The following LRRC75A variants were observed in gnomAD, a reference collection of about 807,000 sequenced individuals.
LRRC75A encodes the protein leucine-rich repeat-containing protein 75A.
In LRRC75A, 12 loss-of-function variants were observed where a neutral mutation model predicts 26.0. The ratio of observed to expected loss-of-function variants is 0.46; its 90% CI spans 0.30 to 0.75. The LOEUF (loss-of-function observed/expected upper bound fraction) is 0.75, where lower values mean the gene tolerates loss of function less well. LRRC75A is among the 30% of genes least tolerant of loss of function. The pLI is 0.08. For missense variants in LRRC75A, 410 were observed against 486.6 expected, an observed-to-expected ratio of 0.84 and a Z score of 1.48; for synonymous variants, 223 against 219.3, an observed-to-expected ratio of 1.02 and a Z score of -0.15.
intron 1 of LRRC75A, among the ~76,000 whole-genome samples, chr17:16,474,632 C>G (rs1601192050): frequency 6.6e-6 from 1 of 152,230 alleles, no homozygotes; most frequent in Admixed American, 6.5e-5. Context: ...TTTATACCTT[C>G]TGGCAAATGC....
At chr17:16,474,717 G>C (rs9892617) in intron 1 of LRRC75A, among the ~76,000 whole-genome samples, 1 of 151,716 alleles carries the variant, frequency 6.6e-6, no homozygotes, top group Non-Finnish European at 1.5e-5. Context: ...TCCTGAGGCC[G>C]GGCGCGGTGG....
At chr17:16,477,009 A>G (rs1335400540) in intron 1 of LRRC75A, among the ~76,000 whole-genome samples, 1 of 151,976 alleles carries the variant, frequency 6.6e-6, no homozygotes, top group Non-Finnish European at 1.5e-5. Context: ...AAGTGCTGGG[A>G]TTACAGGCGT....
rs185655957 is a variant in LRRC75A at position 16,483,067 on chromosome 17, G to A, written c.246+8678C>T. Among the ~76,000 whole-genome samples, 448 of 152,320 alleles carry A rather than the reference G, an allele frequency of 2.9e-3. 4 individuals carry two copies. The highest frequency in any genetic ancestry group is 0.01 in the African/African-American group (428 of 41,568). ...GTGGGAAGTAGAGGGAGGGGAGAGA[G>A]ACCAGATGTGCAAGGGGCCAGAGCA... On this transcript the variant is annotated intron_variant, in intron 1 of 3. Transcript: ENST00000470794.
intron 1 of LRRC75A, among the ~76,000 whole-genome samples, chr17:16,466,391 G>A (rs190159704): frequency 6.6e-6 from 1 of 152,380 alleles, no homozygotes; most frequent in East Asian, 1.9e-4. Flanking sequence ...ATGTGCAAGG[G>A]AAGTGGAAGA....
Position 16,447,928 on chromosome 17 carries a change from C to T in LRRC75A, c.408G>A (p.Leu136=), listed in dbSNP as rs1478129010. ...TGAGGTGGTATGTCAGCTGCCGGCA[C>T]AGCTTCTCCATGGCGCCCAGTGCAT... ...EGDALGAMEK[L]CRQLTYHLSP... Residue 136 remains leucine, a synonymous_variant, in exon 3 of 4, where the codon CTG becomes CTA. Transcript: ENST00000470794. The T allele has an allele frequency of 5.8e-6, 9 of 1,551,032 alleles. No individual in the cohort carries two copies. The highest frequency in any genetic ancestry group is 7.0e-6 in the Non-Finnish European group (8 of 1,146,916).
intron 2 of LRRC75A, among the ~76,000 whole-genome samples, chr17:16,458,232 G>A (rs1190887682): frequency 1.3e-5 from 2 of 151,716 alleles, no homozygotes; most frequent in African/African-American, 4.8e-5. Context: ...GCTTAAACCC[G>A]GGAGGCAGAG....
At chr17:16,458,495 C>T (rs1162680179) in intron 2 of LRRC75A, among the ~76,000 whole-genome samples, 3 of 150,482 alleles carry the variant, frequency 2.0e-5, no homozygotes, top group African/African-American at 4.9e-5. Flanking sequence ...GACGGAGTTT[C>T]GCTCTTGTTG....
chr17:16,455,554 T>G (rs906723385), intron 2 of LRRC75A, among the ~76,000 whole-genome samples: 1 of 152,138 alleles, frequency 6.6e-6, no homozygotes, highest in Admixed American at 6.5e-5. Context: ...TAATTTTTTT[T>G]GTATTTCTAT....
At chr17:16,453,790 T>C (rs544528362) in intron 2 of LRRC75A, among the ~76,000 whole-genome samples, 1 of 152,222 alleles carries the variant, frequency 6.6e-6, no homozygotes, top group African/African-American at 2.4e-5. Context: ...TCTGCTGCCC[T>C]CCTGTCTCTG....
chr17:16,478,129 G>A (rs1260294361), intron 1 of LRRC75A, among the ~76,000 whole-genome samples: 1 of 151,540 alleles, frequency 6.6e-6, no homozygotes, highest in Non-Finnish European at 1.5e-5. Context: ...CTGCATACCT[G>A]CTCTCAGGTC....
intron 1 of LRRC75A, among the ~76,000 whole-genome samples, chr17:16,476,732 AT>A (rs1170298700): frequency 0.013 from 956 of 75,518 alleles, 15 homozygotes; most frequent in African/African-American, 0.034. Flanking sequence ...TGCCTGGCTG[AT>A]TTTTTTTTTT....
At chr17:16,447,803 C>T (rs906206166) in intron 3 of LRRC75A, 42 bp downstream of exon 3, 5 of 1,431,058 alleles carry the variant, frequency 3.5e-6, no homozygotes, top group South Asian at 1.3e-5. Context: ...CTGTAACACA[C>T]ACTCAGCCTG....
At chr17:16,480,139 C>T (rs1451310465) in intron 1 of LRRC75A, among the ~76,000 whole-genome samples, 1 of 152,192 alleles carries the variant, frequency 6.6e-6, no homozygotes, top group Non-Finnish European at 1.5e-5. Flanking sequence ...CGTCTAGTTG[C>T]AGGAAAAGAA....
chr17:16,456,291 A>T (rs1228915354), intron 2 of LRRC75A, among the ~76,000 whole-genome samples: 1 of 103,644 alleles, frequency 9.6e-6, no homozygotes, highest in Non-Finnish European at 1.9e-5. Flanking sequence ...AGGAGGAGGA[A>T]GAGAAGGAAG....
At chr17:16,454,272 G>A (rs1054957210) in intron 2 of LRRC75A, among the ~76,000 whole-genome samples, 4 of 151,992 alleles carry the variant, frequency 2.6e-5, no homozygotes, top group African/African-American at 9.7e-5. Context: ...GGCACCTGTA[G>A]TCCCAGCTAC....
chr17:16,455,448 A>G (rs2093669671), intron 2 of LRRC75A, among the ~76,000 whole-genome samples: 1 of 151,392 alleles, frequency 6.6e-6, no homozygotes, highest in Admixed American at 6.6e-5. Flanking sequence ...GCGCAATCTC[A>G]GCTCAATGCA....
rs79791993 is a variant in LRRC75A, at chr17:16,452,738, G to A, written c.376-4778C>T. On this transcript the variant is annotated intron_variant, in intron 2 of 3. Transcript: ENST00000470794. Reference sequence around the variant, plus strand: ...TGTGAGCCACCCTGCCTGGCCACACGGGGATTTTTAAAAGGTCCCCAGGTG... The same window carrying A: ...TGTGAGCCACCCTGCCTGGCCACACAGGGATTTTTAAAAGGTCCCCAGGTG... Among the ~76,000 whole-genome samples the A allele has an allele frequency of 5.3e-5, 8 of 151,968 alleles. No individual in the cohort carries two copies. In the East Asian group the frequency reaches 5.8e-4, roughly 11 times the overall value.
At chr17:16,477,605 T>C (rs1601196252) in intron 1 of LRRC75A, among the ~76,000 whole-genome samples, 1 of 152,192 alleles carries the variant, frequency 6.6e-6, no homozygotes, top group Admixed American at 6.5e-5. Context: ...AAATGTGCTC[T>C]GGGCAGTGGG....
chr17:16,488,070 C>T (rs1453335905), intron 1 of LRRC75A, among the ~76,000 whole-genome samples: 2 of 152,206 alleles, frequency 1.3e-5, no homozygotes, highest in Non-Finnish European at 2.9e-5. Flanking sequence ...ATTTTGAGGA[C>T]TCAGGGAAAC....
Sources: allele counts gnomAD v4.1 joint callset (sites outside exome capture counted in the v4.1 genomes callset), GRCh38; gene constraint gnomAD v4.1.1; transcripts MANE v1.5; gene names NCBI Gene and HGNC (gene_info 2026-07-23, HGNC 2026-07-21).